The following ARHGAP21 variants were observed in gnomAD, a reference collection of about 807,000 sequenced individuals.
ARHGAP21 encodes the protein rho GTPase-activating protein 21.
A neutral mutation model predicts 164.6 loss-of-function variants in ARHGAP21; 38 were observed. The ratio of observed to expected loss-of-function variants is 0.23; its 90% confidence interval spans 0.18 to 0.30. The LOEUF is 0.30. Ranked by LOEUF, ARHGAP21 falls within the 10% of genes least tolerant of loss-of-function variation. The pLI is 1.00. For synonymous variants in ARHGAP21, 766 were observed against 857.9 expected (o/e 0.89, Z 1.87); for missense variants, 1,822 against 2,370.7 (o/e 0.77, Z 4.81).
chr10:24,687,044 C>G (rs1842277138), intron 2 of ARHGAP21, among the ~76,000 whole-genome samples: 1 of 152,114 alleles, frequency 6.6e-6, no homozygotes, highest in Non-Finnish European at 1.5e-5. Flanking sequence ...GGTGAAACCC[C>G]ATTTCTACAA....
chr10:24,592,156 A>ATTTTTTTTTTTTTTTTTTTTT (rs57846258), intron 21 of ARHGAP21, 144 bp from the exon 22 acceptor site: 3 of 205,776 alleles, frequency 1.5e-5, no homozygotes, highest in Non-Finnish European at 1.5e-5. Context: ...TTCTAGCAAG[A>ATTTTTTTTTTTTTTTTTTTTT]TTTTTTTTTT....
At chr10:24,703,794 G>A (rs1319742402) in intron 2 of ARHGAP21, among the ~76,000 whole-genome samples, 9 of 152,006 alleles carry the variant, frequency 5.9e-5, no homozygotes, top group Non-Finnish European at 1.0e-4. Flanking sequence ...GCTTTCCAAG[G>A]GTATCCGGCA....
chr10:24,627,921 C>T (rs778447092), intron 7 of ARHGAP21, among the ~76,000 whole-genome samples: 78 of 152,278 alleles, frequency 5.1e-4, no homozygotes, highest in Non-Finnish European at 8.5e-4. Flanking sequence ...GTTCCAAGAG[C>T]CATCCAACCA....
rs149845231 is a variant in ARHGAP21 at position 24,640,583 on chromosome 10, A to G, written c.269-5480T>C. On this transcript the variant is annotated intron_variant, in intron 4 of 25. Coordinates refer to ENST00000396432, the MANE Select transcript of ARHGAP21 (RefSeq NM_020824.4). Reference sequence around the variant, plus strand: ...AGTATACCCTCCAGAAAGGTGGAAAACTAAAGAGGTTTATCACATAATGGA... The same window carrying G: ...AGTATACCCTCCAGAAAGGTGGAAAGCTAAAGAGGTTTATCACATAATGGA... Among the ~76,000 whole-genome samples, 231 of 152,254 alleles carry G rather than the reference A, an allele frequency of 1.5e-3. 5 individuals carry two copies. In the East Asian group the frequency reaches 0.038, roughly 25 times the overall value.
At chr10:24,696,193 T>C (rs1843158182) in intron 2 of ARHGAP21, among the ~76,000 whole-genome samples, 1 of 152,112 alleles carries the variant, frequency 6.6e-6, no homozygotes, top group African/African-American at 2.4e-5. Flanking sequence ...ATGGGCGCCC[T>C]AGCTTACTAC....
intron 13 of ARHGAP21, among the ~76,000 whole-genome samples, chr10:24,601,192 CAAATA>C (rs1421824424): frequency 6.6e-6 from 1 of 152,108 alleles, no homozygotes; most frequent in Non-Finnish European, 1.5e-5. Context: ...CAAAGCTAAT[CAAATA>C]AAATAAATGT....
At chr10:24,706,896 TTCAA>T (rs1242987277) in intron 2 of ARHGAP21, among the ~76,000 whole-genome samples, 4 of 152,368 alleles carry the variant, frequency 2.6e-5, no homozygotes, top group Non-Finnish European at 5.9e-5. Context: ...TCTTTAGTCA[TTCAA>T]TGAAAACACA....
At chr10:24,688,903 A>G (rs1842462416) in intron 2 of ARHGAP21, among the ~76,000 whole-genome samples, 1 of 152,188 alleles carries the variant, frequency 6.6e-6, no homozygotes, top group South Asian at 2.1e-4. Flanking sequence ...TCCCACTCCA[A>G]ATCTCTGAGA....
At position 24,690,428 on chromosome 10, in the gene ARHGAP21, G is replaced by A. The variant is rs1488598410; in HGVS notation, c.64-20031C>T. Among the ~76,000 whole-genome samples, 26 of 152,174 alleles carry A rather than the reference G, an allele frequency of 1.7e-4. 1 individual carries two copies. Among genetic ancestry groups the A allele is most frequent in the Admixed American group, 1.6e-3 (25 of 15,278 alleles). ...TTTTCATCTTTGCAAATATGTTAAAGATGAAAATGGTTCTTAATGTTTTAA... is the reference window on the plus strand; with the variant it reads ...TTTTCATCTTTGCAAATATGTTAAAAATGAAAATGGTTCTTAATGTTTTAA... On this transcript the variant is annotated intron_variant, in intron 2 of 25. Coordinates refer to ENST00000396432, the MANE Select transcript of ARHGAP21 (RefSeq NM_020824.4).
At position 24,670,375 on chromosome 10, in the gene ARHGAP21, T is replaced by C. The variant is rs921788434; in HGVS notation, c.86A>G (p.Lys29Arg). 6.3e-7 allele frequency: 1 copy of C among 1,594,782 alleles called. No homozygotes were observed. The highest frequency in any genetic ancestry group is 8.5e-7 in the Non-Finnish European group (1 of 1,169,916). The change falls in exon 3 of 26, where the codon AAA becomes AGA. Residue 29 changes from lysine to arginine, a missense_variant. Physicochemically the swap from Lys to Arg is conservative, Grantham distance 26 (BLOSUM62 2). This residue lies in a region of ARHGAP21 where 1,090 missense variants were observed against 1,378.9 expected (regional missense o/e 0.79). Coordinates refer to ENST00000396432, the MANE Select transcript of ARHGAP21 (RefSeq NM_020824.4). ...CAGTGATACAGTTTCACTTTGTTCT[T>C]TTCCATCTTTATTTTTTGAGACCTA... ...ACEVSKNKDG[K>R]EQSETVSLSE...
At chr10:24,692,987 A>C (rs1051104591) in intron 2 of ARHGAP21, among the ~76,000 whole-genome samples, 2 of 151,746 alleles carry the variant, frequency 1.3e-5, no homozygotes, top group African/African-American at 4.9e-5. Context: ...AAAAAAACAC[A>C]ACAGGTGCAT....
intron 2 of ARHGAP21, among the ~76,000 whole-genome samples, chr10:24,676,361 G>T (rs1841245750): frequency 6.6e-6 from 1 of 152,326 alleles, no homozygotes; most frequent in African/African-American, 2.4e-5. Flanking sequence ...ACTGCATGCT[G>T]CTGAGGACTG....
At chr10:24,721,694 G>C in intron 2 of ARHGAP21, 143 bp downstream of exon 2, 1 of 866,792 alleles carries the variant, frequency 1.2e-6, no homozygotes, top group Non-Finnish European at 1.8e-6. Flanking sequence ...CTCGCTACTG[G>C]TTAAGCTGGG....
intron 17 of ARHGAP21, 200 bp downstream of exon 17, chr10:24,596,537 GGTT>G (rs1330294818): frequency 1.5e-6 from 1 of 646,092 alleles, no homozygotes; most frequent in Admixed American, 3.6e-5. Context: ...AATTCCTAAT[GGTT>G]GAATAATTAT....
Position 24,620,226 on chromosome 10 carries a change from T to C in ARHGAP21, c.1669A>G (p.Asn557Asp). Residue 557 changes from asparagine to aspartate, a missense_variant, in exon 9 of 26, where the codon AAT (asparagine) becomes GAT (aspartate). By Grantham distance (23) the Asn-to-Asp change is conservative (BLOSUM62 1). Around this residue, in one of 5 missense-constraint regions of ARHGAP21, gnomAD observed 1,090 missense variants for 1,378.9 expected, o/e 0.79. Transcript: ENST00000396432. ...ACAACGCTTGGAGCCACAGTAAAAT[T>C]GGAACCTCGAAAAGATTTATGAATT... Reference protein sequence around the residue: ...QEIHKSFRGSNFTVAPSVVNS... With the variant: ...QEIHKSFRGSDFTVAPSVVNS... The C allele has an allele frequency of 4.3e-6, 7 of 1,613,974 alleles. No individual in the cohort carries two copies. Among genetic ancestry groups the C allele is most frequent in the Non-Finnish European group, 5.9e-6 (7 of 1,179,870 alleles).
At chr10:24,649,075 T>G (rs1364620145) in intron 4 of ARHGAP21, among the ~76,000 whole-genome samples, 4 of 152,226 alleles carry the variant, frequency 2.6e-5, no homozygotes, top group African/African-American at 9.6e-5. Flanking sequence ...TTATACAGTT[T>G]ACATGAGGAA....
At position 24,639,324 on chromosome 10, in the gene ARHGAP21, G is replaced by A. The variant is rs573382776; in HGVS notation, c.269-4221C>T. Among the ~76,000 whole-genome samples the A allele has an allele frequency of 2.0e-5, 3 of 152,166 alleles. No individual in the cohort carries two copies. The South Asian group carries it at 6.2e-4, about 32-fold the overall frequency. On this transcript the variant is annotated intron_variant, in intron 4 of 25. Coordinates refer to ENST00000396432, the MANE Select transcript of ARHGAP21 (RefSeq NM_020824.4). ...GTGATTTTAGATGAATGATTTGTAT[G>A]TGCCCCCAGTTTACTGATCTGAAAA...
chr10:24,693,430 T>C (rs950654569), intron 2 of ARHGAP21, among the ~76,000 whole-genome samples: 3 of 151,936 alleles, frequency 2.0e-5, no homozygotes, highest in Non-Finnish European at 2.9e-5. Context: ...CTGCAACCTC[T>C]GCCTCTGCCT....
chr10:24,593,874 CTCTT>C (rs755961436), intron 21 of ARHGAP21, among the ~76,000 whole-genome samples: 32 of 151,900 alleles, frequency 2.1e-4, no homozygotes, highest in Non-Finnish European at 3.4e-4. Context: ...CTTCCTTTCT[CTCTT>C]TTTTTTTTTC....
Sources: allele counts gnomAD v4.1 joint callset (sites outside exome capture counted in the v4.1 genomes callset), GRCh38; gene constraint gnomAD v4.1.1; regional missense constraint gnomAD v4.1.1; transcripts MANE v1.5; gene names NCBI Gene and HGNC (gene_info 2026-07-23, HGNC 2026-07-21).